SLC5A9: variants seen among roughly 807,000 people sequenced by gnomAD.
The protein encoded by SLC5A9 is solute carrier family 5 member 9.
Under a neutral mutation model 70.9 loss-of-function variants are expected in SLC5A9, and 59 were observed. The ratio of observed to expected loss-of-function variants is 0.83; its 90% CI spans 0.68 to 1.03. SLC5A9 has a LOEUF of 1.03. Among genes scored for constraint, SLC5A9 ranks in the 50% least tolerant of loss-of-function variants. The pLI is 0.00. For missense variants in SLC5A9, 832 were observed against 881.1 expected, an observed-to-expected ratio of 0.94 and a Z score of 0.71; for synonymous variants, 340 against 346.5, an observed-to-expected ratio of 0.98 and a Z score of 0.21.
At chr1:48,223,618 C>T (rs1644102664) in intron 1 of SLC5A9, among the ~76,000 whole-genome samples, 2 of 152,190 alleles carry the variant, frequency 1.3e-5, no homozygotes, top group Non-Finnish European at 2.9e-5. Context: ...CTATTATCAC[C>T]ACGCATTCCA....
intron 8 of SLC5A9, 136 bp downstream of exon 8, chr1:48,232,638 G>A (rs979017558): frequency 1.4e-5 from 16 of 1,156,264 alleles, no homozygotes; most frequent in Admixed American, 7.1e-5. Flanking sequence ...ATACATAGCC[G>A]GTCATGGTGG....
chr1:48,247,482 G>A lies in SLC5A9; in HGVS notation c.1985G>A (p.Cys662Tyr), dbSNP rs1178203092. ...GAGGAGCCACTCTGGAGACATGTCT[G>A]CAACATCAATGCTGTCCTTTTGCTG... The part of the protein sequence containing the change: ...IEEEPLWRHV[C>Y]NINAVLLLAI... Residue 662 changes from cysteine (C) to tyrosine (Y), a missense_variant, in exon 14 of 14, where the codon TGC becomes TAC. Coordinates refer to ENST00000438567, the MANE Select transcript of SLC5A9 (RefSeq NM_001011547.3). The A allele has an allele frequency of 5.0e-6, 8 of 1,614,076 alleles. No homozygotes were observed. The highest frequency in any genetic ancestry group is 6.8e-6 in the Non-Finnish European group (8 of 1,180,052).
intron 10 of SLC5A9, among the ~76,000 whole-genome samples, chr1:48,237,170 GAGA>G (rs1333928371): frequency 2.0e-5 from 3 of 152,042 alleles, no homozygotes; most frequent in Non-Finnish European, 4.4e-5. Flanking sequence ...ACAGTTTGTT[GAGA>G]AGGAGTCAGG....
At chr1:48,241,896 C>G in intron 12 of SLC5A9, 1 of 456,120 alleles carries the variant, frequency 2.2e-6, no homozygotes, top group South Asian at 1.5e-5. Context: ...CTGGCTCTTT[C>G]AGTCAGTCAT....
At chr1:48,229,692 C>T (rs537952838) in intron 4 of SLC5A9, 1 of 562,536 alleles carries the variant, frequency 1.8e-6, no homozygotes, top group South Asian at 2.9e-5. Context: ...AAATCACAAT[C>T]CAGAGTTCAT....
intron 12 of SLC5A9, chr1:48,241,801 C>G: frequency 2.5e-6 from 1 of 399,136 alleles, no homozygotes; most frequent in South Asian, 1.9e-5. Flanking sequence ...CCTGTGTTCT[C>G]TATTCCTGGG....
intron 13 of SLC5A9, 68 bp downstream of exon 13, chr1:48,242,684 G>C: frequency 7.0e-7 from 1 of 1,428,642 alleles, no homozygotes; most frequent in Non-Finnish European, 9.3e-7. Flanking sequence ...TGTCATGGGC[G>C]GTCTTTGGGA....
In SLC5A9 at chr1:48,237,738, C is replaced by T; in HGVS notation, c.1352C>T (p.Ser451Phe). ...SILWIPIIQS[S>F]NSGQLFDYIQ... ...CTCTGGATCCCCATCATCCAAAGCT[C>T]CAACAGTGGGCAGCTCTTCGACTAC... Residue 451 changes from serine (S) to phenylalanine (F), a missense_variant, in exon 11 of 14, where the codon TCC becomes TTC. Ser to Phe is a radical substitution (Grantham distance 155). Transcript: ENST00000438567. 1.2e-6 allele frequency: 2 copies of T among 1,614,112 alleles called. No homozygotes were observed. Among genetic ancestry groups the T allele is most frequent in the African/African-American group, 2.7e-5 (2 of 75,000 alleles).
At chr1:48,244,753 T>TTATATTATATATAAATTATATA (rs1644432484) in intron 13 of SLC5A9, among the ~76,000 whole-genome samples, 1 of 130,412 alleles carries the variant, frequency 7.7e-6, no homozygotes, top group Non-Finnish European at 1.5e-5. Context: ...TAAATTATAT[T>TTATATTATATATAAATTATATA]TATATTATAT....
At chr1:48,242,297 G>A in intron 12 of SLC5A9, 160 bp from the exon 13 acceptor site, 3 of 773,362 alleles carry the variant, frequency 3.9e-6, no homozygotes, top group Non-Finnish European at 6.3e-6. Context: ...GAAGAAAGAG[G>A]AAGTCAGGGC....
At chr1:48,230,752 A>G in intron 5 of SLC5A9, 47 bp downstream of exon 5, 1 of 1,413,592 alleles carries the variant, frequency 7.1e-7, no homozygotes, top group East Asian at 2.3e-5. Context: ...ACTGGCAGAG[A>G]CCCAGAGAGA....
chr1:48,234,739 A>T (rs577824507), intron 9 of SLC5A9, among the ~76,000 whole-genome samples: 1 of 152,158 alleles, frequency 6.6e-6, no homozygotes, highest in Admixed American at 6.5e-5. Context: ...TAGAAGGAGG[A>T]GTGAATCCGG....
At chr1:48,224,656 C>T (rs1026410702) in intron 1 of SLC5A9, 68 bp from the exon 2 acceptor site, 60 of 1,517,862 alleles carry the variant, frequency 4.0e-5, no homozygotes, top group East Asian at 2.5e-4. Context: ...AGGAAATCTG[C>T]GGGGAGGGGG....
chr1:48,232,514 C>T lies in SLC5A9; in HGVS notation c.1033+12C>T. The T allele has an allele frequency of 6.2e-7, 1 of 1,613,818 alleles. No homozygotes were observed. ...GGCCCTGTTCCCAGGTAAGAACGAG[C>T]CTTGCTCTCTGGGTATTGGGATCTG... On this transcript the variant is annotated intron_variant, in intron 8 of 13. Transcript: ENST00000438567.
In SLC5A9 at chr1:48,228,993, T is replaced by C. The variant is rs777050857; in HGVS notation, c.339+39T>C. ...CCTGGTTTCTCCAGAATACTGAGGGTCTAACCCACCTCTGTCTCTGGCATT... is the reference window on the plus strand; with the variant it reads ...CCTGGTTTCTCCAGAATACTGAGGGCCTAACCCACCTCTGTCTCTGGCATT... On this transcript the variant is annotated intron_variant, in intron 3 of 13. Transcript: ENST00000438567. The C allele has an allele frequency of 1.9e-6, 3 of 1,613,118 alleles. No homozygotes were observed. In the South Asian group the frequency reaches 3.3e-5, roughly 18 times the overall value.
At chr1:48,233,384 AAAG>A in intron 8 of SLC5A9, among the ~76,000 whole-genome samples, 1 of 145,254 alleles carries the variant, frequency 6.9e-6, no homozygotes, top group South Asian at 2.4e-4. Context: ...AAAAAAAAAA[AAAG>A]ATAGAAAAGA....
intron 11 of SLC5A9, chr1:48,238,689 A>G (rs1183099856): frequency 6.6e-6 from 1 of 152,622 alleles, no homozygotes; most frequent in African/African-American, 2.4e-5. Context: ...ACCATGCCGC[A>G]CAGCAGTACC....
chr1:48,233,519 G>GC, intron 8 of SLC5A9, 136 bp from the exon 9 acceptor site: 2 of 665,848 alleles, frequency 3.0e-6, no homozygotes, highest in South Asian at 3.5e-5. Flanking sequence ...GACACCATTT[G>GC]CCCCCCAACC....
chr1:48,233,541 G>A (rs1644286382), intron 8 of SLC5A9, 114 bp from the exon 9 acceptor site: 2 of 765,106 alleles, frequency 2.6e-6, no homozygotes, highest in African/African-American at 3.4e-5. Context: ...TGTAGACATG[G>A]GTCCCTGTCA....
Sources: gnomAD v4.1 joint callset for allele counts (sites outside exome capture counted in the v4.1 genomes callset) on GRCh38, gnomAD v4.1.1 for gene constraint, MANE v1.5 for transcripts, NCBI Gene and HGNC (gene_info 2026-07-23, HGNC 2026-07-21) for gene names.